FRMD4A: variants seen among roughly 807,000 people sequenced by gnomAD.
FRMD4A encodes FERM domain-containing protein 4A.
In FRMD4A, 29 loss-of-function variants were observed where a neutral mutation model predicts 129.1. The ratio of observed to expected loss-of-function variants is 0.22; its 90% CI spans 0.17 to 0.31. The LOEUF (loss-of-function observed/expected upper bound fraction) is 0.31, where lower values mean the gene tolerates loss of function less well. FRMD4A is among the 10% of genes least tolerant of loss of function. The probability of loss-of-function intolerance (pLI) is 1.00; values close to 1 mark genes in which losing one functional copy is unlikely to be tolerated. For missense variants in FRMD4A, 1,272 were observed against 1,375.8 expected, an observed-to-expected ratio of 0.92 and a Z score of 1.19; for synonymous variants, 634 against 571.6, an observed-to-expected ratio of 1.11 and a Z score of -1.56.
At chr10:13,733,410 T>G (rs2135028232) in intron 12 of FRMD4A, among the ~76,000 whole-genome samples, 1 of 152,148 alleles carries the variant, frequency 6.6e-6, no homozygotes, top group South Asian at 2.1e-4. Flanking sequence ...ACTAAGGTTT[T>G]GCTTTCCCTC....
intron 2 of FRMD4A, among the ~76,000 whole-genome samples, chr10:14,036,551 A>T (rs995366074): frequency 1.3e-5 from 2 of 152,104 alleles, no homozygotes; most frequent in Non-Finnish European, 2.9e-5. Flanking sequence ...GGGTGATGCT[A>T]CCCACTTCCT....
In FRMD4A at chr10:13,925,566, CTTTTTTTTTTTT is replaced by C. The variant is rs66980805; in HGVS notation, c.46-66666_46-66655del. On this transcript the variant is annotated intron_variant, in intron 2 of 24. Coordinates refer to ENST00000357447, the MANE Select transcript of FRMD4A (RefSeq NM_018027.5). ...TGAAAGTTTCTATTGTAGTGAAACG[CTTTTTTTTTTTT>C]TTTTTTTTTTTTTTTTTTTTTTTGA... is the stretch of plus-strand genomic sequence containing the variant. Among the ~76,000 whole-genome samples, 339 of 61,942 alleles carry C rather than the reference CTTTTTTTTTTTT, an allele frequency of 5.5e-3. 9 individuals are homozygous for C. The highest frequency in any genetic ancestry group is 0.027 in the Middle Eastern group (2 of 74). The allele number at this position is 61,942 out of a possible 152,430, so 40.6% of individuals were successfully genotyped here.
intron 19 of FRMD4A, among the ~76,000 whole-genome samples, chr10:13,662,934 A>G (rs1266078568): frequency 1.3e-5 from 2 of 152,090 alleles, no homozygotes; most frequent in Non-Finnish European, 2.9e-5. Flanking sequence ...TGGGCCAGGT[A>G]TGGTGGCTCC....
rs184837043 is a variant in FRMD4A at position 13,680,511 on chromosome 10, A to T, written c.1118-5467T>A. ...GGGAGGCCGAGGTGGGCAGATCAGG[A>T]GGTCAGATTTTGAGACCAGCCTGGC... On this transcript the variant is annotated intron_variant, in intron 15 of 24. Coordinates refer to ENST00000357447, the MANE Select transcript of FRMD4A (RefSeq NM_018027.5). 2.8e-3 allele frequency among the ~76,000 whole-genome samples: 411 copies of T among 149,096 alleles called. 1 individual carries two copies. The highest frequency in any genetic ancestry group is 0.01 in the African/African-American group (399 of 38,588).
rs112842238 is a variant in FRMD4A at position 14,012,476 on chromosome 10, C to T, written c.46-153564G>A. Among the ~76,000 whole-genome samples, 646 of 151,990 alleles carry T rather than the reference C, an allele frequency of 4.3e-3. 7 individuals carry two copies. Among genetic ancestry groups the T allele is most frequent in the African/African-American group, 0.015 (606 of 41,448 alleles). On this transcript the variant is annotated intron_variant, in intron 2 of 24. Transcript: ENST00000357447. ...CAAAGCAAATGGGTGTTCTTGGTCA[C>T]GAACAGCAGGGTGTGAAAGGGGTGG...
At chr10:13,753,370 G>C (rs1278713406) in intron 8 of FRMD4A, among the ~76,000 whole-genome samples, 3 of 152,054 alleles carry the variant, frequency 2.0e-5, no homozygotes, top group Non-Finnish European at 4.4e-5. Flanking sequence ...AACTTTTCCT[G>C]CCATAGTGTG....
intron 2 of FRMD4A, among the ~76,000 whole-genome samples, chr10:14,290,829 C>T (rs1032635351): frequency 2.0e-5 from 3 of 152,038 alleles, no homozygotes. Context: ...ATGGTACCTA[C>T]CTCACATATC....
At chr10:13,846,907 G>A (rs1052106146) in intron 3 of FRMD4A, among the ~76,000 whole-genome samples, 3 of 152,210 alleles carry the variant, frequency 2.0e-5, no homozygotes, top group Non-Finnish European at 4.4e-5. Flanking sequence ...AGGCAGGGTG[G>A]CAAGGAGCTG....
At chr10:13,922,246 T>C (rs550428449) in intron 2 of FRMD4A, among the ~76,000 whole-genome samples, 2 of 152,116 alleles carry the variant, frequency 1.3e-5, no homozygotes, top group South Asian at 2.1e-4. Context: ...CAGCTCATGA[T>C]GACAGTGACA....
At chr10:14,294,414 T>G (rs540986814) in intron 2 of FRMD4A, among the ~76,000 whole-genome samples, 6 of 152,310 alleles carry the variant, frequency 3.9e-5, no homozygotes, top group African/African-American at 1.4e-4. Flanking sequence ...AGGCTTGACA[T>G]AGATACAATA....
intron 2 of FRMD4A, among the ~76,000 whole-genome samples, chr10:14,042,102 T>C (rs1833800343): frequency 6.6e-6 from 1 of 152,248 alleles, no homozygotes; most frequent in South Asian, 2.1e-4. Flanking sequence ...TTCAAAGACC[T>C]GTGCTAACAT....
intron 3 of FRMD4A, among the ~76,000 whole-genome samples, chr10:13,847,440 C>G (rs905806226): frequency 5.9e-5 from 9 of 152,290 alleles, no homozygotes; most frequent in African/African-American, 2.2e-4. Context: ...CGCTTCCTCC[C>G]TCCACCACCA....
chr10:13,791,119 G>C (rs75968484), intron 5 of FRMD4A, among the ~76,000 whole-genome samples: 3,651 of 152,268 alleles, frequency 0.024, 102 homozygotes, highest in East Asian at 0.084. Flanking sequence ...AATTAAGTTT[G>C]TGGATAAAGA....
At chr10:13,873,190 T>TAAA (rs1564950493) in intron 2 of FRMD4A, among the ~76,000 whole-genome samples, 1 of 24,214 alleles carries the variant, frequency 4.1e-5, no homozygotes, top group Admixed American at 5.0e-4. Flanking sequence ...AAAAATAAAA[T>TAAA]AAAATAAAAA....
intron 2 of FRMD4A, among the ~76,000 whole-genome samples, chr10:13,866,544 C>T (rs1215341714): frequency 6.6e-6 from 1 of 152,130 alleles, no homozygotes; most frequent in African/African-American, 2.4e-5. Flanking sequence ...CATTGCAAGA[C>T]CACAAAATCT....
At chr10:13,797,941 C>T (rs2093158745) in intron 4 of FRMD4A, among the ~76,000 whole-genome samples, 2 of 151,828 alleles carry the variant, frequency 1.3e-5, no homozygotes, top group Admixed American at 1.3e-4. Context: ...AAATCCCCCT[C>T]CACAAAGCCC....
At chr10:14,110,991 G>T (rs1317961882) in intron 2 of FRMD4A, among the ~76,000 whole-genome samples, 1 of 152,142 alleles carries the variant, frequency 6.6e-6, no homozygotes, top group Non-Finnish European at 1.5e-5. Flanking sequence ...AAATTTTTAA[G>T]AAATGTGAGA....
chr10:14,053,902 C>G (rs970618278), intron 2 of FRMD4A, among the ~76,000 whole-genome samples: 1 of 152,138 alleles, frequency 6.6e-6, no homozygotes, highest in Non-Finnish European at 1.5e-5. Context: ...GTACAGGTGT[C>G]CCAGCTACGC....
At chr10:14,234,298 T>A (rs1167973807) in intron 2 of FRMD4A, among the ~76,000 whole-genome samples, 1 of 152,172 alleles carries the variant, frequency 6.6e-6, no homozygotes, top group Non-Finnish European at 1.5e-5. Flanking sequence ...TTTGAGTCCC[T>A]GGTGAAATGT....
Sources: allele counts gnomAD v4.1 joint callset (sites outside exome capture counted in the v4.1 genomes callset), GRCh38; gene constraint gnomAD v4.1.1; transcripts MANE v1.5; gene names NCBI Gene and HGNC (gene_info 2026-07-23, HGNC 2026-07-21).